The following LINGO1 variants were observed in gnomAD, a reference collection of about 807,000 sequenced individuals.
The protein encoded by LINGO1 is leucine rich repeat and Ig domain containing 1.
A neutral mutation model predicts 37.3 loss-of-function variants in LINGO1; 11 were observed. That is an observed-to-expected ratio of 0.29 (90% CI 0.19 to 0.49). The LOEUF is 0.49. LINGO1 is among the 20% of genes least tolerant of loss of function. LINGO1 has a pLI of 0.99. For missense variants in LINGO1, 585 were observed against 878.2 expected (o/e 0.67, Z 4.22); for synonymous variants, 387 against 403.0 (o/e 0.96, Z 0.48).
chr15:77,656,050 G>C (rs2074858529), intron 3 of LINGO1, among the ~76,000 whole-genome samples: 2 of 152,226 alleles, frequency 1.3e-5, no homozygotes, highest in Admixed American at 1.3e-4. Context: ...ACCCTCTGCT[G>C]CTTCCAGTGT....
rs2076648806 is a variant in LINGO1 at position 77,776,504 on chromosome 15, G to GGCAGGAAGGCAGGAAA, written c.-257+10364_-257+10365insTTTCCTGCCTTCCTGC. 3.9e-4 allele frequency among the ~76,000 whole-genome samples: 29 copies of GGCAGGAAGGCAGGAAA among 73,526 alleles called. 1 individual carries two copies. Among genetic ancestry groups the GGCAGGAAGGCAGGAAA allele is most frequent in the African/African-American group, 1.3e-3 (24 of 18,722 alleles). The allele number at this position is 73,526 out of a possible 152,430, so 48.2% of individuals were successfully genotyped here. On this transcript the variant is annotated intron_variant, in intron 1 of 3. Transcript: ENST00000561686. Reference sequence around the variant, plus strand: ...AGGCAGGAAAGCAGGAAGGCAGGAAGGCAGGAAGGCAGGAAGGGAGGAAGG... The same window carrying GGCAGGAAGGCAGGAAA: ...AGGCAGGAAAGCAGGAAGGCAGGAAGGCAGGAAGGCAGGAAAGCAGGAAGGCAGGAAGGGAGGAAGG...
intron 2 of LINGO1, among the ~76,000 whole-genome samples, chr15:77,728,653 A>G (rs2076126538): frequency 6.6e-6 from 1 of 152,164 alleles, no homozygotes; most frequent in Admixed American, 6.5e-5. Flanking sequence ...CATGTCTGCA[A>G]TGTGGGCATC....
chr15:77,677,408 G>T (rs1400700290), intron 2 of LINGO1, among the ~76,000 whole-genome samples: 1 of 152,022 alleles, frequency 6.6e-6, no homozygotes, highest in Non-Finnish European at 1.5e-5. Flanking sequence ...TCAACTCCCT[G>T]GCCTGGCATT....
chr15:77,637,161 G>A (rs1228163968), upstream of LINGO1, among the ~76,000 whole-genome samples: 1 of 152,224 alleles, frequency 6.6e-6, no homozygotes, highest in East Asian at 1.9e-4. The surrounding 1 kb of genome is among the most constrained non-coding windows in gnomAD (Gnocchi z 4.6). Context: ...CCTGCATGGG[G>A]CAGCCAACAT....
chr15:77,781,699 T>G (rs2076718913), intron 1 of LINGO1, among the ~76,000 whole-genome samples: 1 of 152,220 alleles, frequency 6.6e-6, no homozygotes, highest in South Asian at 2.1e-4. Context: ...GCCCCATGTT[T>G]GCCAGGCAGA....
chr15:77,740,153 A>T (rs2141347013), intron 1 of LINGO1, among the ~76,000 whole-genome samples: 2 of 152,352 alleles, frequency 1.3e-5, no homozygotes, highest in East Asian at 1.9e-4. Flanking sequence ...CCCTGACAGC[A>T]TGGACAGTGT....
At chr15:77,734,186 G>A (rs1045818866) in intron 2 of LINGO1, among the ~76,000 whole-genome samples, 3 of 152,192 alleles carry the variant, frequency 2.0e-5, no homozygotes, top group Non-Finnish European at 4.4e-5. Context: ...CTGCAGGCTT[G>A]TGAGGAGGGG....
intron 1 of LINGO1, among the ~76,000 whole-genome samples, chr15:77,694,709 A>T (rs1413114209): frequency 6.6e-6 from 1 of 152,212 alleles, no homozygotes; most frequent in Non-Finnish European, 1.5e-5. Context: ...GTCCCTTCAA[A>T]TTAGACCAGT....
At chr15:77,763,915 C>T (rs1384762119) in intron 1 of LINGO1, among the ~76,000 whole-genome samples, 1 of 152,166 alleles carries the variant, frequency 6.6e-6, no homozygotes, top group African/African-American at 2.4e-5. Flanking sequence ...CCCCTGGACA[C>T]TAATTAACCA....
intron 2 of LINGO1, among the ~76,000 whole-genome samples, chr15:77,718,869 T>C (rs1226047292): frequency 6.6e-6 from 1 of 150,816 alleles, no homozygotes; most frequent in African/African-American, 2.4e-5. Context: ...TGCCACAGCA[T>C]CTTCCTCAAC....
intron 1 of LINGO1, among the ~76,000 whole-genome samples, chr15:77,774,765 T>C (rs2076620618): frequency 6.6e-6 from 1 of 152,076 alleles, no homozygotes; most frequent in African/African-American, 2.4e-5. Flanking sequence ...CCTGACCCTG[T>C]ATTGGGTCCT....
intron 1 of LINGO1, among the ~76,000 whole-genome samples, chr15:77,799,074 G>A (rs929559178): frequency 6.6e-6 from 1 of 152,178 alleles, no homozygotes; most frequent in African/African-American, 2.4e-5. Flanking sequence ...ACCAGGGTCA[G>A]GGTCACACAG....
At chr15:77,774,163 G>A (rs1034250504) in intron 1 of LINGO1, among the ~76,000 whole-genome samples, 5 of 152,072 alleles carry the variant, frequency 3.3e-5, no homozygotes, top group Non-Finnish European at 7.4e-5. Context: ...TCCCAGGTGT[G>A]GGGGCACAGC....
At chr15:77,682,176 C>CTCTT (rs35828000) in intron 2 of LINGO1, among the ~76,000 whole-genome samples, 63,829 of 151,522 alleles carry the variant, frequency 0.42, 14,591 homozygotes, top group African/African-American at 0.61. Context: ...AGAAAAATTC[C>CTCTT]TCTGCCACTT....
At chr15:77,680,103 C>T (rs2075389318) in intron 2 of LINGO1, among the ~76,000 whole-genome samples, 2 of 152,200 alleles carry the variant, frequency 1.3e-5, no homozygotes, top group African/African-American at 4.8e-5. Flanking sequence ...TTTCAGAGCC[C>T]GTGCGTGACC....
At chr15:77,810,838 G>T (rs1288483433) in intron 1 of LINGO1, among the ~76,000 whole-genome samples, 1 of 152,182 alleles carries the variant, frequency 6.6e-6, no homozygotes. Flanking sequence ...CCTTGGGCTG[G>T]CAGAGGGCAC....
At chr15:77,808,838 C>T (rs192243661) in intron 1 of LINGO1, among the ~76,000 whole-genome samples, 1 of 152,292 alleles carries the variant, frequency 6.6e-6, no homozygotes, top group Non-Finnish European at 1.5e-5. Context: ...CAACACTTAA[C>T]AGGGGTTCAG....
intron 2 of LINGO1, among the ~76,000 whole-genome samples, chr15:77,711,478 G>A (rs138400658): frequency 1.2e-4 from 18 of 152,276 alleles, no homozygotes; most frequent in South Asian, 8.3e-4. Flanking sequence ...CCTGCATCCT[G>A]CTTCCTTCAT....
At chr15:77,775,980 G>T (rs1012031101) in intron 1 of LINGO1, among the ~76,000 whole-genome samples, 16 of 152,182 alleles carry the variant, frequency 1.1e-4, no homozygotes, top group Admixed American at 9.8e-4. Context: ...GTGAGTTACA[G>T]CCCATCCATC....
Sources: allele counts gnomAD v4.1 joint callset (sites outside exome capture counted in the v4.1 genomes callset), GRCh38; gene constraint gnomAD v4.1.1; non-coding constraint Gnocchi (gnomAD v3.1); transcripts MANE v1.5; gene names NCBI Gene and HGNC (gene_info 2026-07-23, HGNC 2026-07-21).